The following SLC35F4 variants were observed in gnomAD, a reference collection of about 807,000 sequenced individuals.
The protein encoded by SLC35F4 is chromosome 14 open reading frame 36.
In SLC35F4, 24 loss-of-function variants were observed where a neutral mutation model predicts 44.2. That is an observed-to-expected ratio of 0.54 (90% CI 0.39 to 0.76). The LOEUF (loss-of-function observed/expected upper bound fraction) is 0.76, where lower values mean the gene tolerates loss of function less well. Among genes scored for constraint, SLC35F4 ranks in the 30% least tolerant of loss-of-function variants. The pLI is 0.00. For synonymous variants in SLC35F4, 238 were observed against 223.6 expected, an observed-to-expected ratio of 1.06 and a Z score of -0.57; for missense variants, 562 against 586.1, an observed-to-expected ratio of 0.96 and a Z score of 0.42.
chr14:57,695,281 G>A (rs1364977548), intron 1 of SLC35F4, among the ~76,000 whole-genome samples: 2 of 151,636 alleles, frequency 1.3e-5, no homozygotes, highest in Admixed American at 6.6e-5. Context: ...TCTGACAAAC[G>A]GCTAATATCC....
chr14:57,705,856 C>T (rs2075659645), intron 1 of SLC35F4, among the ~76,000 whole-genome samples: 1 of 152,110 alleles, frequency 6.6e-6, no homozygotes, highest in Non-Finnish European at 1.5e-5. Flanking sequence ...ATAGATGTTT[C>T]CTCGAAGTTA....
At chr14:57,843,724 A>G (rs1109661) in intron 1 of SLC35F4, among the ~76,000 whole-genome samples, 24,195 of 152,116 alleles carry the variant, frequency 0.16, 3,258 homozygotes, top group African/African-American at 0.37. Context: ...TTAATTTTAT[A>G]ATAAAATAAA....
intron 1 of SLC35F4, among the ~76,000 whole-genome samples, chr14:57,715,186 C>A (rs2140415864): frequency 6.6e-6 from 1 of 152,160 alleles, no homozygotes; most frequent in South Asian, 2.1e-4. Flanking sequence ...AGGCAAATGG[C>A]AGCGCAGTTC....
At chr14:57,864,072 T>C (rs1287669791) in intron 1 of SLC35F4, among the ~76,000 whole-genome samples, 1 of 152,212 alleles carries the variant, frequency 6.6e-6, no homozygotes, top group East Asian at 1.9e-4. Context: ...TGTTCATTGT[T>C]AGCCAAAGTT....
intron 1 of SLC35F4, among the ~76,000 whole-genome samples, chr14:57,672,358 A>G (rs2074547603): frequency 6.6e-6 from 1 of 152,108 alleles, no homozygotes. Context: ...GTGAAAAATC[A>G]AGAATTATAA....
intron 1 of SLC35F4, among the ~76,000 whole-genome samples, chr14:57,928,761 C>T (rs985104273): frequency 1.3e-5 from 2 of 152,130 alleles, no homozygotes; most frequent in East Asian, 3.8e-4. Context: ...CTAGAATTAC[C>T]TGACAAGAAT....
At chr14:57,690,540 A>C (rs2075200596) in intron 1 of SLC35F4, among the ~76,000 whole-genome samples, 1 of 152,044 alleles carries the variant, frequency 6.6e-6, no homozygotes, top group Non-Finnish European at 1.5e-5. Flanking sequence ...TGTAGGGGAA[A>C]GGGGTGGTGA....
chr14:57,947,561 A>G (rs189147742), intron 1 of SLC35F4, among the ~76,000 whole-genome samples: 45 of 152,120 alleles, frequency 3.0e-4, no homozygotes, highest in Non-Finnish European at 1.3e-4. Context: ...TTCTAGTACT[A>G]TGTTACACTG....
At chr14:57,775,270 C>A (rs2077461540) in intron 1 of SLC35F4, among the ~76,000 whole-genome samples, 1 of 152,224 alleles carries the variant, frequency 6.6e-6, no homozygotes, top group Non-Finnish European at 1.5e-5. Flanking sequence ...CCCACTAGCA[C>A]CCTGCTGCAG....
At chr14:57,946,090 T>C (rs939335977) in intron 1 of SLC35F4, among the ~76,000 whole-genome samples, 1 of 152,236 alleles carries the variant, frequency 6.6e-6, no homozygotes, top group African/African-American at 2.4e-5. Flanking sequence ...TTTACTCTTA[T>C]GCTTATTTCT....
At chr14:57,596,070 C>T (rs1164693653) in intron 1 of SLC35F4, 1 of 152,130 alleles carries the variant, frequency 6.6e-6, no homozygotes, top group African/African-American at 2.4e-5. Flanking sequence ...ATGTTTGTAA[C>T]ACAAAGAAAT....
chr14:57,968,648 A>C (rs1024307099), intron 1 of SLC35F4, among the ~76,000 whole-genome samples: 7 of 152,310 alleles, frequency 4.6e-5, no homozygotes, highest in African/African-American at 1.7e-4. Flanking sequence ...ATTCACCCCT[A>C]GACTTGGTGA....
rs201058689 is a variant in SLC35F4, at chr14:57,927,496, C to CT, written n.282+54416dup. 0.03 allele frequency among the ~76,000 whole-genome samples: 4,196 copies of CT among 140,916 alleles called. 372 individuals carry two copies. In the East Asian group the frequency reaches 0.38, roughly 13 times the overall value. The allele number at this position is 140,916 out of a possible 152,430, so 92.4% of individuals were successfully genotyped here. ...TTTTTTTTTAATTACTTTTCTTCTT[C>CT]TTTTTTTTTTTTGAGACAGAGTCTC... On this transcript the variant is annotated intron_variant and non_coding_transcript_variant, in intron 1 of 1. Coordinates refer to the SLC35F4 transcript ENST00000556568.
At chr14:57,575,585 A>G (rs200048353) in intron 4 of SLC35F4, among the ~76,000 whole-genome samples, 2 of 152,336 alleles carry the variant, frequency 1.3e-5, no homozygotes, top group East Asian at 3.9e-4. Flanking sequence ...AAAACTGCCA[A>G]TGCCTCCATT....
intron 1 of SLC35F4, among the ~76,000 whole-genome samples, chr14:57,640,669 GT>G (rs2073185678): frequency 6.6e-6 from 1 of 151,936 alleles, no homozygotes; most frequent in Admixed American, 6.6e-5. Flanking sequence ...AATAACTGAG[GT>G]TATACAGCAA....
At chr14:57,869,275 T>G (rs868137692), upstream of SLC35F4, among the ~76,000 whole-genome samples, 40 of 152,274 alleles carry the variant, frequency 2.6e-4, no homozygotes, top group African/African-American at 9.4e-4. Context: ...TTGTGTCTGA[T>G]GCTAGAATAG....
intron 1 of SLC35F4, among the ~76,000 whole-genome samples, chr14:57,611,592 A>AAC (rs1555360598): frequency 3.8e-5 from 3 of 78,490 alleles, no homozygotes; most frequent in Non-Finnish European, 1.2e-4. Context: ...AGTTAAAAAA[A>AAC]AAAAAACAAA....
At chr14:57,674,257 A>T (rs995070357) in intron 1 of SLC35F4, among the ~76,000 whole-genome samples, 1 of 152,138 alleles carries the variant, frequency 6.6e-6, no homozygotes, top group Non-Finnish European at 1.5e-5. Flanking sequence ...TCTCATACAT[A>T]TTGGTAGGAA....
At chr14:57,745,232 T>C (rs1280103042) in intron 1 of SLC35F4, among the ~76,000 whole-genome samples, 1 of 152,028 alleles carries the variant, frequency 6.6e-6, no homozygotes, top group Non-Finnish European at 1.5e-5. Flanking sequence ...AATTGACAAA[T>C]GGGATCTAAT....
Sources: allele counts gnomAD v4.1 joint callset (sites outside exome capture counted in the v4.1 genomes callset), GRCh38; gene constraint gnomAD v4.1.1; transcripts MANE v1.5; gene names NCBI Gene and HGNC (gene_info 2026-07-23, HGNC 2026-07-21).